Variants in HERC2 observed in about 807,000 individuals in gnomAD.
HERC2 encodes the protein E3 ubiquitin-protein ligase HERC2.
In HERC2, 102 loss-of-function variants were observed where a neutral mutation model predicts 537.7. That is an observed-to-expected ratio of 0.19 (90% CI 0.16 to 0.22). HERC2 has a LOEUF of 0.22. HERC2 is among the 10% of genes least tolerant of loss of function. The probability of loss-of-function intolerance (pLI) is 1.00; values close to 1 mark genes in which losing one functional copy is unlikely to be tolerated. For synonymous variants in HERC2, 2,224 were observed against 2,466.2 expected (o/e 0.90, Z 2.91); for missense variants, 4,236 against 6,198.2 (o/e 0.68, Z 10.63).
chr15:28,255,977 G>C lies in HERC2; in HGVS notation c.2766C>G (p.Asn922Lys), dbSNP rs139868155. The C allele has an allele frequency of 2.3e-4, 369 of 1,606,288 alleles. 1 individual carries two copies. The highest frequency in any genetic ancestry group is 9.0e-4 in the Admixed American group (54 of 60,022). Residue 922 changes from asparagine (N) to lysine (K), a missense_variant, in exon 19 of 93, where the codon AAC (asparagine) becomes AAG (lysine). Coordinates refer to ENST00000261609, the MANE Select transcript of HERC2 (RefSeq NM_004667.6). ...TCATGAATCGACGACCTGGACTTAT[G>C]TTCACTTCATTGCCTGAAACTGAAA... Reference protein sequence around the residue: ...LPCAVSGNEVNISPGRRFMID... With the variant: ...LPCAVSGNEVKISPGRRFMID...
intron 50 of HERC2, among the ~76,000 whole-genome samples, chr15:28,197,776 G>T (rs1897491775): frequency 6.6e-6 from 1 of 152,132 alleles, no homozygotes; most frequent in Non-Finnish European, 1.5e-5. Flanking sequence ...GAGCTGGCCT[G>T]TTAATGTCAA....
chr15:28,178,624 A>G (rs1895522916), intron 59 of HERC2, among the ~76,000 whole-genome samples: 1 of 152,100 alleles, frequency 6.6e-6, no homozygotes, highest in Non-Finnish European at 1.5e-5. Context: ...GATCTTTCTC[A>G]TTACTTGGGT....
rs115300781 is a variant in HERC2, at chr15:28,153,954, C to T, written c.10747-1124G>A. 4.0e-3 allele frequency among the ~76,000 whole-genome samples: 605 copies of T among 152,192 alleles called. 6 individuals are homozygous for T. The highest frequency in any genetic ancestry group is 0.014 in the African/African-American group (575 of 41,518). On this transcript the variant is annotated intron_variant, in intron 69 of 92. Coordinates refer to ENST00000261609, the MANE Select transcript of HERC2 (RefSeq NM_004667.6). ...GAGAGTCTGTGACAGGAGGGACCGC[C>T]GACCCCAACACAGCTGCCCCTGCTG...
At chr15:28,228,045 C>T (rs376542302) in intron 35 of HERC2, among the ~76,000 whole-genome samples, 173 bp downstream of exon 35, 2 of 150,466 alleles carry the variant, frequency 1.3e-5, no homozygotes, top group African/African-American at 4.9e-5. Flanking sequence ...TCTAGAAAAT[C>T]GTAAATGTAT....
At chr15:28,149,243 G>A (rs1596057230) in intron 70 of HERC2, among the ~76,000 whole-genome samples, 1 of 149,228 alleles carries the variant, frequency 6.7e-6, no homozygotes, top group Non-Finnish European at 1.5e-5. Flanking sequence ...AAACATCACC[G>A]AAAATGGCCA....
intron 44 of HERC2, among the ~76,000 whole-genome samples, chr15:28,207,291 C>A (rs201274498): frequency 6.6e-6 from 1 of 152,042 alleles, no homozygotes; most frequent in Non-Finnish European, 1.5e-5. Flanking sequence ...CACGCCACCA[C>A]GCCCGGCTAA....
chr15:28,256,589 C>T (rs887036625), intron 17 of HERC2, among the ~76,000 whole-genome samples: 3 of 152,132 alleles, frequency 2.0e-5, no homozygotes, highest in Non-Finnish European at 2.9e-5. Context: ...ACCTCCACCC[C>T]GCGCCAACAA....
intron 57 of HERC2, among the ~76,000 whole-genome samples, chr15:28,180,122 G>C (rs1455253271): frequency 6.6e-6 from 1 of 152,162 alleles, no homozygotes; most frequent in South Asian, 2.1e-4. Context: ...ATTATTCATG[G>C]TAAGTGCCCT....
Position 28,212,394 on chromosome 15 carries a change from G to A in HERC2, c.6925+51C>T, listed in dbSNP as rs433004. The A allele has an allele frequency of 8.1e-6, 12 of 1,477,010 alleles. 1 individual carries two copies. The highest frequency in any genetic ancestry group is 6.2e-5 in the South Asian group (5 of 81,236). The allele number at this position is 1,477,010 out of a possible 1,614,324, so 91.5% of individuals were successfully genotyped here. A position where few individuals can be genotyped will look rare whatever the true frequency, so the allele number is the denominator to read the frequency against. On this transcript the variant is annotated intron_variant, in intron 43 of 92. Coordinates refer to ENST00000261609, the MANE Select transcript of HERC2 (RefSeq NM_004667.6). ...ACTCATAAAAGAACACTGTACAAAC[G>A]ACACGAGTTTAAGACGGCAGCTATT...
At chr15:28,149,633 G>A (rs934355071) in intron 70 of HERC2, among the ~76,000 whole-genome samples, 4 of 149,676 alleles carry the variant, frequency 2.7e-5, no homozygotes, top group Admixed American at 2.0e-4. Context: ...ACGGCTGCAC[G>A]AACGTACATT....
At position 28,220,570 on chromosome 15, in the gene HERC2, G is replaced by A; in HGVS notation, c.5727C>T (p.Asp1909=). Residue 1909 remains aspartate (D), a synonymous_variant, in exon 37 of 93, where the codon GAC becomes GAT. Coordinates refer to ENST00000261609, the MANE Select transcript of HERC2 (RefSeq NM_004667.6). ...GEDGWIRVQW[D]TGSTNSYRMG... is the part of the protein sequence containing the mutation. ...TCCTGTAGGAGTTGGTGCTGCCTGT[G>A]TCCCACTGGACTCTTATCCATCCGT... The A allele has an allele frequency of 6.2e-7, 1 of 1,601,862 alleles. No individual in the cohort carries two copies. Among genetic ancestry groups the A allele is most frequent in the South Asian group, 1.1e-5 (1 of 90,992 alleles).
chr15:28,270,154 G>A (rs1350888316), intron 10 of HERC2, among the ~76,000 whole-genome samples: 4 of 151,684 alleles, frequency 2.6e-5, no homozygotes, highest in Non-Finnish European at 5.9e-5. Flanking sequence ...GTTGAGACAG[G>A]GTTTCTCCAA....
At position 28,142,964 on chromosome 15, in the gene HERC2, C is replaced by G; in HGVS notation, c.11419-12G>C. On this transcript the variant is annotated splice_polypyrimidine_tract_variant and intron_variant, in intron 74 of 92. Coordinates refer to ENST00000261609, the MANE Select transcript of HERC2 (RefSeq NM_004667.6). ...CTACCTGTAAAACTCTAAGAAACAA[C>G]AGAACAGTATTCTATCGCAGGAATC... 1 of 1,606,602 alleles carries G rather than the reference C, an allele frequency of 6.2e-7. No individual in the cohort carries two copies. The highest frequency in any genetic ancestry group is 8.5e-7 in the Non-Finnish European group (1 of 1,176,898).
At chr15:28,204,740 C>T (rs1414034320) in intron 45 of HERC2, among the ~76,000 whole-genome samples, 1 of 151,978 alleles carries the variant, frequency 6.6e-6, no homozygotes, top group African/African-American at 2.4e-5. Flanking sequence ...TAAAGTATGT[C>T]TTGGATGGAT....
chr15:28,171,369 G>C (rs989220949), intron 65 of HERC2, among the ~76,000 whole-genome samples: 3 of 152,202 alleles, frequency 2.0e-5, no homozygotes, highest in Non-Finnish European at 4.4e-5. Context: ...AATGTGACAT[G>C]AAAAGAGCTA....
rs1895564013 is a variant in HERC2, at chr15:28,178,996, T to C, written c.9054A>G (p.Glu3018=). The stretch of plus-strand genomic sequence containing the variant: ...CCAGCCCCAGCCGGCCATTCGTGGC[T>C]TCTCCACAGGCATACACCTTCCCTT... ...TVEGKVYACG[E]ATNGRLGLGI... is the part of the protein sequence containing the mutation. The change falls in exon 59 of 93, where the codon GAA becomes GAG. Residue 3018 remains glutamate, a synonymous_variant. Transcript: ENST00000261609. The C allele has an allele frequency of 1.2e-6, 2 of 1,614,246 alleles. No individual in the cohort carries two copies. The highest frequency in any genetic ancestry group is 1.7e-6 in the Non-Finnish European group (2 of 1,180,040).
At position 28,257,205 on chromosome 15, in the gene HERC2, C is replaced by T; in HGVS notation, c.2373G>A (p.Val791=). 6.2e-7 allele frequency: 1 copy of T among 1,613,922 alleles called. No homozygotes were observed. The highest frequency in any genetic ancestry group is 8.5e-7 in the Non-Finnish European group (1 of 1,179,846). ...EWSIGLRVPF[V]VDICSMTFEQ... is the part of the protein sequence containing the mutation. ...CAAAAGTCATTGAGCAGATGTCCAC[C>T]ACAAAAGGGACACGGAGGCCAATGG... Residue 791 remains valine (V), a synonymous_variant, in exon 17 of 93, where the codon GTG becomes GTA. Coordinates refer to ENST00000261609, the MANE Select transcript of HERC2 (RefSeq NM_004667.6).
chr15:28,127,741 T>C (rs955983386), intron 83 of HERC2, among the ~76,000 whole-genome samples: 1 of 151,882 alleles, frequency 6.6e-6, no homozygotes, highest in Non-Finnish European at 1.5e-5. Context: ...AAGGAAGTAC[T>C]CCCAGACAAC....
In HERC2 at chr15:28,124,022, T is replaced by C. The variant is rs767021109; in HGVS notation, c.13188+15A>G. On this transcript the variant is annotated intron_variant, in intron 85 of 92. Transcript: ENST00000261609. ...ACACCAGTTTCCCCTAGAGCAAAGA[T>C]TGCCACTTGAATACCTTTCCCTGGG... The C allele has an allele frequency of 1.2e-5, 18 of 1,561,202 alleles. No homozygotes were observed. The highest frequency in any genetic ancestry group is 7.2e-5 in the South Asian group (6 of 83,134).
Sources: gnomAD v4.1 joint callset for allele counts (sites outside exome capture counted in the v4.1 genomes callset) on GRCh38, gnomAD v4.1.1 for gene constraint, MANE v1.5 for transcripts, NCBI Gene and HGNC (gene_info 2026-07-23, HGNC 2026-07-21) for gene names.